ZMIZ2: variants seen among roughly 807,000 people sequenced by gnomAD.
The protein encoded by ZMIZ2 is zinc finger MIZ domain-containing protein 2.
A neutral mutation model predicts 93.9 loss-of-function variants in ZMIZ2; 26 were observed. The observed-to-expected ratio is 0.28, with a 90% CI of 0.20 to 0.38. ZMIZ2 has a LOEUF of 0.38. Among genes scored for constraint, ZMIZ2 ranks in the 10% least tolerant of loss-of-function variants. The probability of loss-of-function intolerance (pLI) is 1.00; values close to 1 mark genes in which losing one functional copy is unlikely to be tolerated. For synonymous variants in ZMIZ2, 485 were observed against 516.4 expected (o/e 0.94, Z 0.82); for missense variants, 1,023 against 1,235.0 (o/e 0.83, Z 2.57).
chr7:44,757,353 C>T (rs769224840), intron 4 of ZMIZ2, 25 bp from the exon 5 acceptor site: 23 of 1,592,292 alleles, frequency 1.4e-5, no homozygotes, highest in Middle Eastern at 3.4e-4. Flanking sequence ...ACGCAGAGAG[C>T]GTGGCAATCC....
chr7:44,764,987 G>A lies in ZMIZ2; in HGVS notation c.1975G>A (p.Gly659Ser), dbSNP rs1791557558. Reference protein sequence around the residue: ...EGLEVDQYMLGILIYIQNSDY... With the variant: ...EGLEVDQYMLSILIYIQNSDY... Reference sequence around the variant, plus strand: ...CCTGGAGGTGGACCAGTACATGCTGGGCATCCTGATTTACATTCAGAAGTA... The same window carrying A: ...CCTGGAGGTGGACCAGTACATGCTGAGCATCCTGATTTACATTCAGAAGTA... Residue 659 changes from glycine (G) to serine (S), a missense_variant, in exon 15 of 19, where the codon GGC becomes AGC. This residue lies in a region of ZMIZ2 where 319 missense variants were observed against 358.8 expected (regional missense o/e 0.89). Coordinates refer to ENST00000309315, the MANE Select transcript of ZMIZ2 (RefSeq NM_031449.4). 1 of 1,614,082 alleles carries A rather than the reference G, an allele frequency of 6.2e-7. No individual in the cohort carries two copies. The highest frequency in any genetic ancestry group is 8.5e-7 in the Non-Finnish European group (1 of 1,180,038).
In ZMIZ2 at chr7:44,757,005, G is replaced by T; in HGVS notation, c.224G>T (p.Gly75Val). Residue 75 changes from glycine to valine, a missense_variant, in exon 4 of 19, where the codon GGT becomes GTT. Around this residue, in one of 3 missense-constraint regions of ZMIZ2, gnomAD observed 656 missense variants for 777.1 expected, o/e 0.84. Transcript: ENST00000309315. ...GSPSGSSMMP[G>V]VAGGSSALTS... ...CCCTCTGGCAGCTCCATGATGCCTG[G>T]TGTGGCAGGGGGCAGCTCCGCCTTG... The T allele has an allele frequency of 6.2e-7, 1 of 1,612,778 alleles. No homozygotes were observed. Among genetic ancestry groups the T allele is most frequent in the Non-Finnish European group, 8.5e-7 (1 of 1,179,530 alleles).
At chr7:44,762,598 G>A (rs886272780) in intron 11 of ZMIZ2, among the ~76,000 whole-genome samples, 4 of 152,250 alleles carry the variant, frequency 2.6e-5, no homozygotes, top group African/African-American at 9.6e-5. Flanking sequence ...TCTTCATGGA[G>A]AAGTGGTGAC....
chr7:44,764,838 C>T (rs1009434661), intron 14 of ZMIZ2, 103 bp from the exon 15 acceptor site: 3 of 1,237,980 alleles, frequency 2.4e-6, no homozygotes, highest in African/African-American at 3.0e-5. Flanking sequence ...CACAGGATTG[C>T]CTCATGCAGG....
At chr7:44,750,708 G>C (rs1790064186) in intron 1 of ZMIZ2, among the ~76,000 whole-genome samples, 1 of 152,158 alleles carries the variant, frequency 6.6e-6, no homozygotes, top group African/African-American at 2.4e-5. Context: ...CTGTAACTCT[G>C]TCTAGAGGAA....
intron 6 of ZMIZ2, among the ~76,000 whole-genome samples, chr7:44,758,859 A>T (rs1400445551): frequency 6.7e-6 from 1 of 149,256 alleles, no homozygotes; most frequent in Non-Finnish European, 1.5e-5. Context: ...GGTTGCAGTG[A>T]GCTGAGATCA....
chr7:44,767,365 G>A (rs758151580), intron 18 of ZMIZ2, 151 bp from the exon 19 acceptor site: 23 of 697,326 alleles, frequency 3.3e-5, no homozygotes, highest in Non-Finnish European at 5.7e-5. Flanking sequence ...CAGGCCTATG[G>A]TGGGGCCCCG....
intron 1 of ZMIZ2, among the ~76,000 whole-genome samples, chr7:44,754,211 T>C (rs538246883): frequency 8.5e-5 from 13 of 152,186 alleles, no homozygotes; most frequent in Non-Finnish European, 1.5e-4. Flanking sequence ...GGGACTGGGA[T>C]TGCCACCCCT....
At chr7:44,757,177 A>G in intron 4 of ZMIZ2, 28 bp downstream of exon 4, 1 of 1,576,428 alleles carries the variant, frequency 6.3e-7, no homozygotes, top group Non-Finnish European at 8.6e-7. Flanking sequence ...CCTGGCAGGT[A>G]TGCTAGGAGC....
intron 11 of ZMIZ2, 120 bp from the exon 12 acceptor site, chr7:44,762,761 T>G: frequency 3.3e-5 from 12 of 366,340 alleles, no homozygotes; most frequent in East Asian, 5.2e-5. Context: ...CACCCTGCCC[T>G]CAGCCTTGTC....
In ZMIZ2 at chr7:44,759,252, TCCCCTCGGG is replaced by T. The variant is rs1293567857; in HGVS notation, c.814-27_814-19del. 2.0e-6 allele frequency: 3 copies of T among 1,465,220 alleles called. No homozygotes were observed. The highest frequency in any genetic ancestry group is 2.4e-5 in the Admixed American group (1 of 40,858). The allele number at this position is 1,465,220 out of a possible 1,614,324, so 90.8% of individuals were successfully genotyped here. ...ACCAGCTCCCCTGATGCCTTTTTTC[TCCCCTCGGG>T]CATTTTGCCTCTTTTTCAGGTGTAT... On this transcript the variant is annotated intron_variant, in intron 6 of 18. Coordinates refer to ENST00000309315, the MANE Select transcript of ZMIZ2 (RefSeq NM_031449.4).
chr7:44,761,941 G>A lies in ZMIZ2; in HGVS notation c.1596+36G>A, dbSNP rs755130738. On this transcript the variant is annotated intron_variant, in intron 11 of 18. Coordinates refer to ENST00000309315, the MANE Select transcript of ZMIZ2 (RefSeq NM_031449.4). This position sits in a 1 kb window ranked among gnomAD's most constrained non-coding sequence, Gnocchi z 5.8. ...TGCGCCGAGGGGGCGGTGCTGTGGC[G>A]TGGGGCGGGGTGTGGTGGGGCCTGG... The A allele has an allele frequency of 6.3e-7, 1 of 1,579,912 alleles. No homozygotes were observed. Among genetic ancestry groups the A allele is most frequent in the Non-Finnish European group, 8.6e-7 (1 of 1,166,846 alleles).
intron 11 of ZMIZ2, 113 bp from the exon 12 acceptor site, chr7:44,762,768 T>G: frequency 1.6e-6 from 1 of 635,480 alleles, no homozygotes; most frequent in Non-Finnish European, 2.4e-6. Flanking sequence ...CCCTCAGCCT[T>G]GTCCCTCCCC....
chr7:44,755,080 CCGTGG>C (rs1790476228), intron 1 of ZMIZ2, among the ~76,000 whole-genome samples: 1 of 152,138 alleles, frequency 6.6e-6, no homozygotes, highest in Non-Finnish European at 1.5e-5. Context: ...GTGGTCACTT[CCGTGG>C]CTTATTTACT....
At position 44,765,741 on chromosome 7, in the gene ZMIZ2, C is replaced by G. The variant is rs182031979; in HGVS notation, c.2242+162C>G. The G allele has an allele frequency of 3.3e-3, 3,887 of 1,167,146 alleles. 7 individuals carry two copies. Among genetic ancestry groups the G allele is most frequent in the Non-Finnish European group, 4.0e-3 (3,372 of 850,016 alleles). 72.3% of individuals were successfully genotyped at this position (1,167,146 alleles called of 1,614,324 possible). A position where few individuals can be genotyped will look rare whatever the true frequency, so the allele number is the denominator to read the frequency against. On this transcript the variant is annotated intron_variant, in intron 16 of 18. Coordinates refer to ENST00000309315, the MANE Select transcript of ZMIZ2 (RefSeq NM_031449.4). This position sits in a 1 kb window ranked among gnomAD's most constrained non-coding sequence, Gnocchi z 4.1. ...TGCCGCGGGGCACCTCCAGCCCCTC[C>G]CATCTCAGGGACGTGGCGGTGAAGG...
At chr7:44,757,353 C>A (rs769224840) in intron 4 of ZMIZ2, 25 bp from the exon 5 acceptor site, 2 of 1,592,408 alleles carry the variant, frequency 1.3e-6, no homozygotes, top group South Asian at 2.2e-5. Context: ...ACGCAGAGAG[C>A]GTGGCAATCC....
rs1485087229 is a variant in ZMIZ2 at position 44,767,572 on chromosome 7, C to T, written c.2712C>T (p.Asp904=). The change falls in exon 19 of 19, where the codon GAC becomes GAT. Residue 904 remains aspartate (D), a synonymous_variant. Coordinates refer to ENST00000309315, the MANE Select transcript of ZMIZ2 (RefSeq NM_031449.4). ...TACTGTCCTACTTGGGCCCACCCGACCTCCCTACGAACAACAATGACGACC... is the reference window on the plus strand; with the variant it reads ...TACTGTCCTACTTGGGCCCACCCGATCTCCCTACGAACAACAATGACGACC... The part of the protein sequence containing the change: ...DELLSYLGPP[D]LPTNNNDDLL... The T allele has an allele frequency of 1.2e-6, 2 of 1,614,144 alleles. No homozygotes were observed. Among genetic ancestry groups the T allele is most frequent in the Admixed American group, 1.7e-5 (1 of 60,016 alleles).
rs1418748076 is a variant in ZMIZ2 at position 44,761,466 on chromosome 7, G to C, written c.1258G>C (p.Glu420Gln). The C allele has an allele frequency of 6.2e-7, 1 of 1,613,628 alleles. No homozygotes were observed. The highest frequency in any genetic ancestry group is 2.2e-5 in the East Asian group (1 of 44,890). Residue 420 changes from glutamate (E) to glutamine (Q), a missense_variant, in exon 10 of 19, where the codon GAG becomes CAG. By Grantham distance (29) the Glu-to-Gln change is conservative (BLOSUM62 2). Coordinates refer to ENST00000309315, the MANE Select transcript of ZMIZ2 (RefSeq NM_031449.4). This position sits in a 1 kb window ranked among gnomAD's most constrained non-coding sequence, Gnocchi z 5.8. ...SSPSGSGPCD[E>Q]LRLTFPVRDG... ...GCTCCCAGGAAGCGGGCCTTGTGAC[G>C]AGTTGCGGCTGACCTTCCCTGTGCG...
In ZMIZ2 at chr7:44,758,071, C is replaced by T. The variant is rs765972180; in HGVS notation, c.776C>T (p.Pro259Leu). The T allele has an allele frequency of 1.3e-6, 2 of 1,591,796 alleles. No individual in the cohort carries two copies. Among genetic ancestry groups the T allele is most frequent in the East Asian group, 4.5e-5 (2 of 44,446 alleles). ...HGYPGPPQAQ[P>L]LPRQGVKRTY... ...TATCCTGGGCCTCCCCAGGCCCAGC[C>T]ACTGCCCCGACAGGGGGTCAAGAGA... The change falls in exon 6 of 19, where the codon CCA (proline) becomes CTA (leucine). Residue 259 changes from proline to leucine, a missense_variant. By Grantham distance (98) the Pro-to-Leu change is moderately conservative. This residue lies in a region of ZMIZ2 where 656 missense variants were observed against 777.1 expected (regional missense o/e 0.84). Transcript: ENST00000309315.
Sources: gnomAD v4.1 joint callset for allele counts (sites outside exome capture counted in the v4.1 genomes callset) on GRCh38, gnomAD v4.1.1 for gene constraint, gnomAD v4.1.1 regional missense constraint, Gnocchi (gnomAD v3.1) non-coding constraint, MANE v1.5 for transcripts, NCBI Gene and HGNC (gene_info 2026-07-23, HGNC 2026-07-21) for gene names.